The following MTERF1 variants were observed in gnomAD, a reference collection of about 807,000 sequenced individuals.
MTERF1 encodes transcription termination factor 1, mitochondrial.
Under a neutral mutation model 31.6 loss-of-function variants are expected in MTERF1, and 29 were observed. The observed-to-expected ratio is 0.92, with a 90% CI of 0.68 to 1.25. MTERF1 has a LOEUF of 1.25. MTERF1 is among the 50% of genes most tolerant of loss of function. The pLI is 0.00. For missense variants in MTERF1, 500 were observed against 469.1 expected (o/e 1.07, Z -0.61); for synonymous variants, 152 against 164.1 (o/e 0.93, Z 0.57).
In MTERF1 at chr7:91,874,742, G is replaced by C; in HGVS notation, c.52C>G (p.Leu18Val). ...QTSISKGLNYLTIMAPGNLWH... is the reference protein window; with the variant it reads ...QTSISKGLNYVTIMAPGNLWH... ...AGGTTTCCTGGTGCCATAATGGTTA[G>C]GTAGTTCAAACCTTTTGAAATGCTG... The change falls in exon 3 of 3, where the codon CTA becomes GTA. Residue 18 changes from leucine to valine, a missense_variant. Transcript: ENST00000351870. 6.2e-7 allele frequency: 1 copy of C among 1,608,602 alleles called. No individual in the cohort carries two copies. Among genetic ancestry groups the C allele is most frequent in the Non-Finnish European group, 8.5e-7 (1 of 1,177,794 alleles).
rs1367949431 is a variant in MTERF1, at chr7:91,874,238, C to T, written c.556G>A (p.Val186Ile). 2.5e-6 allele frequency: 4 copies of T among 1,614,088 alleles called. No homozygotes were observed. The South Asian group carries it at 4.4e-5, about 18-fold the overall frequency. The change falls in exon 3 of 3, where the codon GTT becomes ATT. Residue 186 changes from valine (V) to isoleucine (I), a missense_variant. By Grantham distance (29) the Val-to-Ile change is conservative. Transcript: ENST00000351870. Reference protein sequence around the residue: ...LENNIKFLYSVGLTRKCLCRL... With the variant: ...LENNIKFLYSIGLTRKCLCRL... ...CAAAGGCATTTACGGGTCAATCCAA[C>T]TGAGTAGAGGAACTTTATATTATTC...
intron 2 of MTERF1, chr7:91,876,951 C>A (rs754484054): frequency 1.0e-6 from 1 of 985,178 alleles, no homozygotes; most frequent in Non-Finnish European, 1.2e-6. Flanking sequence ...GGGCAGAATG[C>A]GTCAGCTGGA....
intron 2 of MTERF1, among the ~76,000 whole-genome samples, chr7:91,878,559 G>A (rs995664762): frequency 9.8e-5 from 15 of 152,286 alleles, no homozygotes; most frequent in African/African-American, 3.6e-4. Flanking sequence ...AAAGGGCCAG[G>A]GGCAGCGGCT....
chr7:91,872,738 T>C lies in MTERF1; in HGVS notation c.*856A>G, dbSNP rs1449193008. The C allele has an allele frequency of 6.6e-6, 1 of 152,224 alleles. No homozygotes were observed. Among genetic ancestry groups the C allele is most frequent in the Non-Finnish European group, 1.5e-5 (1 of 68,034 alleles). 9.4% of individuals were successfully genotyped at this position (152,224 alleles called of 1,614,324 possible). ...AAGGTCATATAATTTGTCTCACGTC[T>C]TTCAGTTTATGTCAGAGCTAGATTG... On this transcript the variant is annotated 3_prime_UTR_variant, in exon 3 of 3. Coordinates refer to ENST00000351870, the MANE Select transcript of MTERF1 (RefSeq NM_006980.5).
intron 2 of MTERF1, among the ~76,000 whole-genome samples, chr7:91,874,990 T>C (rs974576452): frequency 6.6e-6 from 1 of 152,196 alleles, no homozygotes; most frequent in Non-Finnish European, 1.5e-5. Flanking sequence ...TGTTTTATAA[T>C]ATAAACAATA....
At chr7:91,878,760 A>T (rs1789414513) in intron 2 of MTERF1, among the ~76,000 whole-genome samples, 1 of 152,162 alleles carries the variant, frequency 6.6e-6, no homozygotes, top group Non-Finnish European at 1.5e-5. Context: ...GCTTGAGCCC[A>T]GGAGATCCAG....
intron 2 of MTERF1, among the ~76,000 whole-genome samples, chr7:91,879,109 C>G (rs1177867452): frequency 1.3e-5 from 2 of 151,976 alleles, no homozygotes; most frequent in Non-Finnish European, 2.9e-5. Flanking sequence ...CACCACTGCA[C>G]TCCAGTCTGG....
chr7:91,879,339 T>C (rs1011298234), intron 2 of MTERF1, among the ~76,000 whole-genome samples: 6 of 152,092 alleles, frequency 3.9e-5, no homozygotes, highest in Non-Finnish European at 7.3e-5. Context: ...TCAGATATTC[T>C]ACATGACAAA....
Position 91,874,695 on chromosome 7 carries a change from AAAGTTATTTCT to A in MTERF1, c.88_98del (p.Arg30SerfsTer23), listed in dbSNP as rs868325871. On this transcript the variant is annotated frameshift_variant, in exon 3 of 3. Transcript: ENST00000351870. LOFTEE classifies it high-confidence loss of function. Reference sequence around the variant, plus strand: ...TCATCCAACATCTTGAACCAAAGAGAAAGTTATTTCTCATATGCCAGAGGTTTCCTGGTGCC... The same window carrying A: ...TCATCCAACATCTTGAACCAAAGAGACATATGCCAGAGGTTTCCTGGTGCC... 3.1e-6 allele frequency: 5 copies of A among 1,614,024 alleles called. No individual in the cohort carries two copies. The highest frequency in any genetic ancestry group is 4.2e-6 in the Non-Finnish European group (5 of 1,180,026).
In MTERF1 at chr7:91,874,639, G is replaced by C. The variant is rs763230408; in HGVS notation, c.155C>G (p.Ser52Ter). Residue 52 changes from serine (S) to a stop codon, truncating the protein, a stop_gained, in exon 3 of 3, where the codon TCA (serine) becomes TGA (stop). Transcript: ENST00000351870. LOFTEE classifies it high-confidence loss of function. ...TRFSAENIFK[S>*]VSFRLFGVKC... ...CACACCAAAAAGCCTAAATGAAACT[G>C]ATTTGAAGATGTTTTCTGCTGAAAA... 11 of 1,614,068 alleles carry C rather than the reference G, an allele frequency of 6.8e-6. No homozygotes were observed. The highest frequency in any genetic ancestry group is 7.6e-6 in the Non-Finnish European group (9 of 1,180,020).
In MTERF1 at chr7:91,874,688, C is replaced by A; in HGVS notation, c.106G>T (p.Gly36Cys). ...AATCGAGTCATCCAACATCTTGAAC[C>A]AAAGAGAAAGTTATTTCTCATATGC... Reference protein sequence around the residue: ...LWHMRNNFLFGSRCWMTRFSA... With the variant: ...LWHMRNNFLFCSRCWMTRFSA... Residue 36 changes from glycine to cysteine, a missense_variant, in exon 3 of 3, where the codon GGT (glycine) becomes TGT (cysteine). Gly to Cys is a radical substitution (Grantham distance 159, BLOSUM62 -3). Coordinates refer to ENST00000351870, the MANE Select transcript of MTERF1 (RefSeq NM_006980.5). The A allele has an allele frequency of 6.2e-7, 1 of 1,614,028 alleles. No individual in the cohort carries two copies.
In MTERF1 at chr7:91,873,643, C is replaced by G; in HGVS notation, c.1151G>C (p.Ser384Thr). The G allele has an allele frequency of 6.2e-7, 1 of 1,610,556 alleles. No individual in the cohort carries two copies. ...CAATTTAGCTTCATATCTTTTTTTA[C>G]TCCAAGATAGAAGAGTGATGTTTAA... Reference protein sequence around the residue: ...STLNITLLSWSKKRYEAKLKK... With the variant: ...STLNITLLSWTKKRYEAKLKK... Residue 384 changes from serine to threonine, a missense_variant, in exon 3 of 3, where the codon AGT (serine) becomes ACT (threonine). Transcript: ENST00000351870.
rs966442247 is a variant in MTERF1 at position 91,879,789 on chromosome 7, T to A, written c.29+266A>T. On this transcript the variant is annotated intron_variant, in intron 2 of 2. Transcript: ENST00000351870. ...AATGGTACCTATTCAAAAATTGACT[T>A]CGATCTATTTCTCAAATTGACTTTT... Among the ~76,000 whole-genome samples the A allele has an allele frequency of 2.0e-5, 3 of 152,296 alleles. No homozygotes were observed. The East Asian group carries it at 5.8e-4, about 29-fold the overall frequency.
In MTERF1 at chr7:91,874,016, G is replaced by A. The variant is rs765277402; in HGVS notation, c.778C>T (p.Arg260Trp). 1.7e-5 allele frequency: 27 copies of A among 1,613,834 alleles called. No homozygotes were observed. Among genetic ancestry groups the A allele is most frequent in the African/African-American group, 6.7e-5 (5 of 74,894 alleles). The change falls in exon 3 of 3, where the codon CGG becomes TGG. Residue 260 changes from arginine to tryptophan, a missense_variant. By Grantham distance (101) the Arg-to-Trp change is moderately radical (BLOSUM62 -3). Transcript: ENST00000351870. ...TCACTGTTCAAATTGAAAGTTGACC[G>A]TAAGAATTCAATGTTAGCTTTCACC... ...KRVKANIEFLRSTFNLNSEEL... is the reference protein window; with the variant it reads ...KRVKANIEFLWSTFNLNSEEL...
At position 91,873,698 on chromosome 7, in the gene MTERF1, A is replaced by G; in HGVS notation, c.1096T>C (p.Leu366=). The G allele has an allele frequency of 3.1e-6, 5 of 1,614,108 alleles. No individual in the cohort carries two copies. The highest frequency in any genetic ancestry group is 4.2e-6 in the Non-Finnish European group (5 of 1,180,006). The change falls in exon 3 of 3, where the codon TTG becomes CTG. Residue 366 remains leucine, a synonymous_variant. Transcript: ENST00000351870. ...ISTLKSRIKE[L]VNAGCNLSTL... is the part of the protein sequence containing the mutation. ...CTCAAGTTACAGCCAGCATTTACCA[A>G]TTCTTTGATTCGACTTTTTAAAGTA...
chr7:91,876,359 A>C (rs1203707402), intron 2 of MTERF1, among the ~76,000 whole-genome samples: 1 of 152,216 alleles, frequency 6.6e-6, no homozygotes, highest in Non-Finnish European at 1.5e-5. Context: ...AGCTGTAACA[A>C]GTTCGTGCTT....
chr7:91,873,990 C>A lies in MTERF1; in HGVS notation c.804G>T (p.Glu268Asp), dbSNP rs746427860. ...FLRSTFNLNS[E>D]ELLVLICGPG... Reference sequence around the variant, plus strand: ...GACCACATATCAGAACCAGCAGTTCCTCACTGTTCAAATTGAAAGTTGACC... The same window carrying A: ...GACCACATATCAGAACCAGCAGTTCATCACTGTTCAAATTGAAAGTTGACC... The change falls in exon 3 of 3, where the codon GAG becomes GAT. Residue 268 changes from glutamate (E) to aspartate (D), a missense_variant. Physicochemically the swap from Glu to Asp is conservative, Grantham distance 45. Transcript: ENST00000351870. 2 of 1,613,946 alleles carry A rather than the reference C, an allele frequency of 1.2e-6. No homozygotes were observed. The highest frequency in any genetic ancestry group is 4.5e-5 in the East Asian group (2 of 44,898).
intron 2 of MTERF1, among the ~76,000 whole-genome samples, chr7:91,875,407 G>A (rs1167547261): frequency 2.0e-5 from 3 of 151,932 alleles, no homozygotes; most frequent in Admixed American, 6.6e-5. Context: ...TGCCCCACAC[G>A]CCCAGCTGAT....
At position 91,873,615 on chromosome 7, in the gene MTERF1, T is replaced by C. The variant is rs1189233224; in HGVS notation, c.1179A>G (p.Lys393=). Residue 393 remains lysine, a synonymous_variant, in exon 3 of 3, where the codon AAA becomes AAG. Transcript: ENST00000351870. ...ATCCTTAGGCAAATCTGCTTAACTT[T>C]TTCAATTTAGCTTCATATCTTTTTT... The part of the protein sequence containing the change: ...WSKKRYEAKL[K]KLSRFA 2.5e-6 allele frequency: 4 copies of C among 1,605,362 alleles called. No individual in the cohort carries two copies. The highest frequency in any genetic ancestry group is 3.4e-6 in the Non-Finnish European group (4 of 1,176,788).
Sources: gnomAD v4.1 joint callset for allele counts (sites outside exome capture counted in the v4.1 genomes callset) on GRCh38, gnomAD v4.1.1 for gene constraint, MANE v1.5 for transcripts, NCBI Gene and HGNC (gene_info 2026-07-23, HGNC 2026-07-21) for gene names.